Variants in CAMKK1 observed in about 807,000 individuals in gnomAD.
The protein encoded by CAMKK1 is calcium/calmodulin dependent protein kinase kinase 1, also known as calcium/calmodulin-dependent protein kinase kinase 1.
CAMKK1 carries 20 observed loss-of-function variants against 63.5 expected under a neutral mutation model. The observed-to-expected ratio is 0.32, with a 90% CI of 0.22 to 0.46. The LOEUF is 0.46. CAMKK1 is among the 20% of genes least tolerant of loss of function. The pLI is 1.00. For missense variants in CAMKK1, 588 were observed against 658.1 expected, an observed-to-expected ratio of 0.89 and a Z score of 1.17; for synonymous variants, 253 against 269.0, an observed-to-expected ratio of 0.94 and a Z score of 0.58.
rs11652739 is a variant in CAMKK1 at position 3,868,442 on chromosome 17, C to T, written c.1341+1045G>A. Among the ~76,000 whole-genome samples, 100 of 117,668 alleles carry T rather than the reference C, an allele frequency of 8.5e-4. 1 individual carries two copies. Among genetic ancestry groups the T allele is most frequent in the Admixed American group, 3.0e-3 (35 of 11,738 alleles). 77.2% of individuals were successfully genotyped at this position (117,668 alleles called of 152,430 possible). A position where few individuals can be genotyped will look rare whatever the true frequency, so the allele number is the denominator to read the frequency against. ...AGACACAGGTGCTGCCTAACTGATA[C>T]GTGGGCTCTGGGGGAGACGCAGGCG... On this transcript the variant is annotated intron_variant, in intron 14 of 15. Transcript: ENST00000348335.
chr17:3,868,889 G>A lies in CAMKK1; in HGVS notation c.1341+598C>T, dbSNP rs1247498386. On this transcript the variant is annotated intron_variant, in intron 14 of 15. Coordinates refer to ENST00000348335, the MANE Select transcript of CAMKK1 (RefSeq NM_032294.3). ...AGGATGGTCTCGATCTCCTGACCTCGTGATCCACCCGCCTCGGCCTCCCAA... is the reference window on the plus strand; with the variant it reads ...AGGATGGTCTCGATCTCCTGACCTCATGATCCACCCGCCTCGGCCTCCCAA... Among the ~76,000 whole-genome samples the A allele has an allele frequency of 4.6e-5, 7 of 152,028 alleles. No individual in the cohort carries two copies. In the South Asian group the frequency reaches 6.2e-4, roughly 14 times the overall value.
chr17:3,876,167 G>A, intron 10 of CAMKK1, 56 bp downstream of exon 10: 1 of 1,529,998 alleles, frequency 6.5e-7, no homozygotes, highest in Non-Finnish European at 8.9e-7. Flanking sequence ...GGCCACTGCG[G>A]CAAGCTATTA....
At chr17:3,866,209 A>G (rs1279289235) in intron 14 of CAMKK1, among the ~76,000 whole-genome samples, 198 bp from the exon 15 acceptor site, 1 of 152,230 alleles carries the variant, frequency 6.6e-6, no homozygotes, top group East Asian at 1.9e-4. Flanking sequence ...GAGGAGCCGG[A>G]TGCCACTGGT....
rs777484107 is a variant in CAMKK1, at chr17:3,880,304, C to A, written c.796+42G>T. ...GCCTGGGCTCTGCCGCCTGCCAGAT[C>A]CCCTAGCCCCAGCCCCAGTGGGCAA... is the stretch of plus-strand genomic sequence containing the variant. On this transcript the variant is annotated intron_variant, in intron 9 of 15. Transcript: ENST00000348335. 3.2e-6 allele frequency: 5 copies of A among 1,555,102 alleles called. No homozygotes were observed. In the South Asian group the frequency reaches 5.6e-5, roughly 17 times the overall value.
rs1357345048 is a variant in CAMKK1, at chr17:3,884,850, A to G, written c.361-423T>C. Among the ~76,000 whole-genome samples the G allele has an allele frequency of 1.3e-5, 2 of 152,198 alleles. No individual in the cohort carries two copies. The highest frequency in any genetic ancestry group is 4.8e-5 in the African/African-American group (2 of 41,452). Reference sequence around the variant, plus strand: ...TGAGAGCCTGGGTTCAGGCACAGAAAGCTCAGCCCCTGACATCTGTAGACT... The same window carrying G: ...TGAGAGCCTGGGTTCAGGCACAGAAGGCTCAGCCCCTGACATCTGTAGACT... On this transcript the variant is annotated intron_variant, in intron 2 of 15. Transcript: ENST00000348335. This position sits in a 1 kb window ranked among gnomAD's most constrained non-coding sequence, Gnocchi z 4.5.
chr17:3,876,172 C>G (rs758954787), intron 10 of CAMKK1, 51 bp downstream of exon 10: 1 of 1,555,596 alleles, frequency 6.4e-7, no homozygotes, highest in Non-Finnish European at 8.8e-7. Flanking sequence ...CTGCGGCAAG[C>G]TATTACGCCC....
rs534955002 is a variant in CAMKK1, at chr17:3,890,124, G to A, written c.-44+2815C>T. On this transcript the variant is annotated intron_variant, in intron 1 of 15. Coordinates refer to ENST00000348335, the MANE Select transcript of CAMKK1 (RefSeq NM_032294.3). This position sits in a 1 kb window ranked among gnomAD's most constrained non-coding sequence, Gnocchi z 6.5. ...AAGGTGGTCCTCCCATGCCTGGGCC[G>A]CCTCACTGGAGCTGTGTTTATGATC... 3.9e-5 allele frequency among the ~76,000 whole-genome samples: 6 copies of A among 152,340 alleles called. No homozygotes were observed. The highest frequency in any genetic ancestry group is 1.4e-4 in the African/African-American group (6 of 41,578).
chr17:3,882,572 G>A lies in CAMKK1; in HGVS notation c.649-8C>T, dbSNP rs1314967447. 6.3e-7 allele frequency: 1 copy of A among 1,591,250 alleles called. No homozygotes were observed. The highest frequency in any genetic ancestry group is 8.6e-7 in the Non-Finnish European group (1 of 1,168,660). On this transcript the variant is annotated splice_polypyrimidine_tract_variant and splice_region_variant and intron_variant, in intron 6 of 15. Transcript: ENST00000348335. The surrounding 1 kb of genome is among the most constrained non-coding windows in gnomAD (Gnocchi z 4.3). ...AGCTGGGTCATCCAGGACCTGGTCA[G>A]AGGGAGCAGACATGGGGGTGGGGCT...
intron 14 of CAMKK1, among the ~76,000 whole-genome samples, chr17:3,869,264 C>T (rs947071602): frequency 2.0e-5 from 3 of 152,202 alleles, no homozygotes; most frequent in African/African-American, 2.4e-5. Flanking sequence ...GCCCCACGCC[C>T]GCTATTTCTT....
chr17:3,862,378 C>A lies in CAMKK1; in HGVS notation c.1446-95G>T. ...CACACACACAGGAATCTGAATCCCA[C>A]ATCTCTCAAAGCCCCCTTCACCCAC... On this transcript the variant is annotated intron_variant, in intron 15 of 15. Transcript: ENST00000348335. This position sits in a 1 kb window ranked among gnomAD's most constrained non-coding sequence, Gnocchi z 4.1. The A allele has an allele frequency of 9.4e-7, 1 of 1,067,566 alleles. No individual in the cohort carries two copies. The highest frequency in any genetic ancestry group is 1.4e-5 in the South Asian group (1 of 72,916). 66.1% of individuals were successfully genotyped at this position (1,067,566 alleles called of 1,614,324 possible).
At chr17:3,865,733 T>C (rs1313331325) in intron 15 of CAMKK1, 175 bp downstream of exon 15, 2 of 1,439,436 alleles carry the variant, frequency 1.4e-6, no homozygotes, top group African/African-American at 1.4e-5. Context: ...AAAAGGTCCC[T>C]TCTAGCCCCG....
intron 12 of CAMKK1, among the ~76,000 whole-genome samples, chr17:3,872,250 G>T (rs988167126): frequency 3.3e-5 from 5 of 152,332 alleles, no homozygotes; most frequent in Non-Finnish European, 7.3e-5. Context: ...GAGTCCAGGG[G>T]CTGGGTGGGG....
intron 10 of CAMKK1, 133 bp downstream of exon 10, chr17:3,876,090 T>C (rs924503849): frequency 2.5e-5 from 21 of 830,750 alleles, no homozygotes; most frequent in Non-Finnish European, 3.5e-5. Flanking sequence ...TTTGTCAGGC[T>C]CCAAGGAAGA....
At chr17:3,886,142 C>T (rs1221887813) in intron 1 of CAMKK1, among the ~76,000 whole-genome samples, 1 of 152,210 alleles carries the variant, frequency 6.6e-6, no homozygotes, top group African/African-American at 2.4e-5. Flanking sequence ...CAGCAGAGCA[C>T]TCCGACACTG....
intron 2 of CAMKK1, among the ~76,000 whole-genome samples, 193 bp downstream of exon 2, chr17:3,885,135 G>T (rs887097070): frequency 2.6e-5 from 4 of 152,212 alleles, no homozygotes; most frequent in African/African-American, 7.2e-5. Flanking sequence ...CAGGACTTAG[G>T]GAAGGCAGCC....
At chr17:3,880,962 C>G (rs1019801180) in intron 8 of CAMKK1, among the ~76,000 whole-genome samples, 1 of 152,212 alleles carries the variant, frequency 6.6e-6, no homozygotes, top group African/African-American at 2.4e-5. Flanking sequence ...TAAAGGGACA[C>G]CACTCCCTGC....
At chr17:3,885,129 A>G (rs1047619219) in intron 2 of CAMKK1, among the ~76,000 whole-genome samples, 199 bp downstream of exon 2, 1 of 152,016 alleles carries the variant, frequency 6.6e-6, no homozygotes, top group Non-Finnish European at 1.5e-5. Context: ...GAATAGCAGG[A>G]CTTAGGGAAG....
intron 15 of CAMKK1, chr17:3,865,048 C>T: frequency 1.2e-6 from 1 of 855,152 alleles, no homozygotes; most frequent in Non-Finnish European, 1.4e-6. Context: ...CCCAAAGCTT[C>T]CCTCCGGGGC....
chr17:3,891,152 G>A (rs565286417), intron 1 of CAMKK1, among the ~76,000 whole-genome samples: 137 of 151,810 alleles, frequency 9.0e-4, no homozygotes, highest in South Asian at 2.9e-3. Flanking sequence ...GGACATGGAC[G>A]CCTGGGATGC....
Sources: gnomAD v4.1 joint callset for allele counts (sites outside exome capture counted in the v4.1 genomes callset) on GRCh38, gnomAD v4.1.1 for gene constraint, Gnocchi (gnomAD v3.1) non-coding constraint, MANE v1.5 for transcripts, NCBI Gene and HGNC (gene_info 2026-07-23, HGNC 2026-07-21) for gene names.